CSGALNACT1: variants seen among roughly 807,000 people sequenced by gnomAD.
CSGALNACT1 encodes beta4GalNAcT-1.
CSGALNACT1 carries 52 observed loss-of-function variants against 51.0 expected under a neutral mutation model. That is an observed-to-expected ratio of 1.02 (90% CI 0.82 to 1.29). CSGALNACT1 has a LOEUF of 1.29. Among genes scored for constraint, CSGALNACT1 ranks in the 50% most tolerant of loss-of-function variants. CSGALNACT1 has a pLI of 0.00. For synonymous variants in CSGALNACT1, 341 were observed against 254.4 expected, an observed-to-expected ratio of 1.34 and a Z score of -3.24; for missense variants, 935 against 679.2, an observed-to-expected ratio of 1.38 and a Z score of -4.19.
chr8:19,565,322 G>C (rs2041681222), intron 3 of CSGALNACT1, among the ~76,000 whole-genome samples: 1 of 152,148 alleles, frequency 6.6e-6, no homozygotes, highest in African/African-American at 2.4e-5. Context: ...ACTCCCCTCA[G>C]TCTCCTCTGG....
At chr8:19,594,396 G>A (rs769199441) in intron 2 of CSGALNACT1, among the ~76,000 whole-genome samples, 1 of 152,124 alleles carries the variant, frequency 6.6e-6, no homozygotes, top group African/African-American at 2.4e-5. Flanking sequence ...AAAAATATGA[G>A]TTAAAGTACG....
chr8:19,450,846 G>A (rs1219596071), intron 5 of CSGALNACT1, among the ~76,000 whole-genome samples: 1 of 151,842 alleles, frequency 6.6e-6, no homozygotes, highest in African/African-American at 2.4e-5. Context: ...GGAGTTTGAG[G>A]CTGCAGTGAG....
At chr8:19,511,491 T>C (rs905764268) in intron 3 of CSGALNACT1, among the ~76,000 whole-genome samples, 2 of 151,848 alleles carry the variant, frequency 1.3e-5, no homozygotes, top group Admixed American at 6.6e-5. Flanking sequence ...TTATTCAGAG[T>C]TTTCAAATGC....
At chr8:19,543,160 G>C (rs945592195) in intron 3 of CSGALNACT1, among the ~76,000 whole-genome samples, 3 of 152,146 alleles carry the variant, frequency 2.0e-5, no homozygotes, top group African/African-American at 7.2e-5. Context: ...AGAATCCCCA[G>C]ATACTATCAT....
intron 1 of CSGALNACT1, among the ~76,000 whole-genome samples, chr8:19,726,589 C>T (rs1038966181): frequency 6.6e-6 from 1 of 152,176 alleles, no homozygotes; most frequent in African/African-American, 2.4e-5. Context: ...GTGGTGAGAA[C>T]ATTTAAGATC....
chr8:19,406,183 A>C, intron 9 of CSGALNACT1, 114 bp from the exon 9 acceptor site: 4 of 1,190,012 alleles, frequency 3.4e-6, no homozygotes, highest in Non-Finnish European at 5.0e-6. Flanking sequence ...TGCGTGCTTC[A>C]CCACCACCCC....
intron 5 of CSGALNACT1, among the ~76,000 whole-genome samples, chr8:19,450,095 G>T (rs1422841852): frequency 1.0e-5 from 1 of 99,016 alleles, no homozygotes; most frequent in Admixed American, 1.0e-4. Flanking sequence ...GAGGAGGAGG[G>T]GGAGGAGGAA....
At chr8:19,485,036 A>G (rs964965385) in intron 4 of CSGALNACT1, among the ~76,000 whole-genome samples, 1 of 152,114 alleles carries the variant, frequency 6.6e-6, no homozygotes, top group Non-Finnish European at 1.5e-5. Flanking sequence ...GGGTGAGAAA[A>G]TAAACTTCTC....
In CSGALNACT1 at chr8:19,535,922, G is replaced by C. The variant is rs566312748; in HGVS notation, c.-296-29792C>G. On this transcript the variant is annotated intron_variant, in intron 3 of 9. Transcript: ENST00000454498. Reference sequence around the variant, plus strand: ...ACATTCCTTTCAGACTGGGAACAAAGCAAGGATGTTAATTTTCACAACTTT... The same window carrying C: ...ACATTCCTTTCAGACTGGGAACAAACCAAGGATGTTAATTTTCACAACTTT... 1.1e-3 allele frequency among the ~76,000 whole-genome samples: 161 copies of C among 152,170 alleles called. 2 individuals are homozygous for C. The highest frequency in any genetic ancestry group is 2.0e-3 in the Non-Finnish European group (135 of 67,994).
intron 8 of CSGALNACT1, among the ~76,000 whole-genome samples, chr8:19,411,407 T>C (rs567069307): frequency 8.5e-5 from 13 of 152,304 alleles, no homozygotes; most frequent in African/African-American, 1.7e-4. Flanking sequence ...ACCCAGAACA[T>C]TGTCCAGCAC....
rs186265743 is a variant in CSGALNACT1, at chr8:19,435,236, T to C, written c.953+4594A>G. 2.5e-3 allele frequency among the ~76,000 whole-genome samples: 385 copies of C among 152,302 alleles called. 1 individual carries two copies. Among genetic ancestry groups the C allele is most frequent in the African/African-American group, 8.9e-3 (368 of 41,558 alleles). On this transcript the variant is annotated intron_variant, in intron 6 of 9. Transcript: ENST00000454498. The stretch of plus-strand genomic sequence containing the variant: ...TTGGCCAGGCGCGGTTGCTCACGCC[T>C]GTAATCCCAGGACTTTGGGAGGCCG...
chr8:19,750,149 T>G (rs1382175412), intron 1 of CSGALNACT1, among the ~76,000 whole-genome samples: 1 of 152,212 alleles, frequency 6.6e-6, no homozygotes, highest in African/African-American at 2.4e-5. Flanking sequence ...CTTGACTTCT[T>G]CTTAAAATAG....
chr8:19,444,806 G>C (rs1309010488), intron 5 of CSGALNACT1, among the ~76,000 whole-genome samples: 2 of 152,188 alleles, frequency 1.3e-5, no homozygotes, highest in African/African-American at 4.8e-5. Flanking sequence ...TCATGGCACT[G>C]ATATAAAGAA....
chr8:19,751,828 G>A (rs1284861664), intron 1 of CSGALNACT1, among the ~76,000 whole-genome samples: 1 of 151,946 alleles, frequency 6.6e-6, no homozygotes, highest in Non-Finnish European at 1.5e-5. Context: ...TTCACTTTCT[G>A]CCATGATTGT....
intron 4 of CSGALNACT1, among the ~76,000 whole-genome samples, chr8:19,461,823 A>T (rs13268102): frequency 3.4e-4 from 12 of 35,820 alleles, no homozygotes; most frequent in African/African-American, 6.6e-4. Context: ...CAGCCACATT[A>T]GCCATGGAGG....
At chr8:19,736,525 A>G (rs1001116592) in intron 1 of CSGALNACT1, among the ~76,000 whole-genome samples, 1 of 152,102 alleles carries the variant, frequency 6.6e-6, no homozygotes, top group African/African-American at 2.4e-5. Flanking sequence ...CCAAAAAAAA[A>G]AAAAATAAAA....
At chr8:19,533,312 G>A (rs1050353898) in intron 3 of CSGALNACT1, among the ~76,000 whole-genome samples, 1 of 151,918 alleles carries the variant, frequency 6.6e-6, no homozygotes, top group African/African-American at 2.4e-5. Context: ...TATAGAGATG[G>A]GGTCTTGCTA....
At position 19,408,863 on chromosome 8, in the gene CSGALNACT1, G is replaced by A. The variant is rs1416538350; in HGVS notation, c.1228-169C>T. On this transcript the variant is annotated intron_variant, in intron 8 of 9. Coordinates refer to ENST00000454498, the Ensembl canonical transcript of CSGALNACT1. ...GATTTGAGTCCTTGCAGACAGTCAG[G>A]AATACAGTACACACACCAGTCCCAA... 2.6e-5 allele frequency among the ~76,000 whole-genome samples: 4 copies of A among 151,462 alleles called. No individual in the cohort carries two copies. In the East Asian group the frequency reaches 7.8e-4, roughly 29 times the overall value.
At chr8:19,479,629 G>C (rs2070782605) in intron 4 of CSGALNACT1, among the ~76,000 whole-genome samples, 1 of 152,090 alleles carries the variant, frequency 6.6e-6, no homozygotes, top group Non-Finnish European at 1.5e-5. Context: ...GTTCTAACCA[G>C]GCAAATACCC....
Sources: gnomAD v4.1 joint callset for allele counts (sites outside exome capture counted in the v4.1 genomes callset) on GRCh38, gnomAD v4.1.1 for gene constraint, MANE v1.5 for transcripts, NCBI Gene and HGNC (gene_info 2026-07-23, HGNC 2026-07-21) for gene names.